The following GPRIN2 variants were observed in gnomAD, a reference collection of about 807,000 sequenced individuals.
GPRIN2 encodes G protein-regulated inducer of neurite outgrowth 2.
Under a neutral mutation model 0.3 loss-of-function variants are expected in GPRIN2, and 1 was observed. That is an observed-to-expected ratio of 3.90 (90% CI 1.39 to 18.51). The LOEUF is 18.51. GPRIN2 is among the 30% of genes most tolerant of loss of function. The pLI, the probability that GPRIN2 is intolerant of heterozygous loss-of-function variation, is 0.11. For missense variants in GPRIN2, 880 were observed against 604.2 expected, an observed-to-expected ratio of 1.46 and a Z score of -4.79; for synonymous variants, 361 against 258.6, an observed-to-expected ratio of 1.40 and a Z score of -3.80.
At chr10:46,551,269 C>T (rs952007388) in intron 2 of GPRIN2, 18 of 445,376 alleles carry the variant, frequency 4.0e-5, no homozygotes, top group Non-Finnish European at 8.9e-6. Context: ...CTCCTTGGTA[C>T]AGAGTGGGAG....
intron 2 of GPRIN2, among the ~76,000 whole-genome samples, chr10:46,551,123 G>C (rs1406126249): frequency 6.6e-6 from 1 of 152,306 alleles, no homozygotes; most frequent in Non-Finnish European, 1.5e-5. Flanking sequence ...AGCCCTAGGG[G>C]GTGGGGCTGT....
Position 46,549,918 on chromosome 10 carries a change from C to T in GPRIN2, c.819G>A (p.Gln273=). Residue 273 remains glutamine (Q), a synonymous_variant, in exon 3 of 3, where the codon CAG becomes CAA. Transcript: ENST00000374314. The part of the protein sequence containing the change: ...ASVSESGLQA[Q]HGVKIHCRLS... Reference sequence around the variant, plus strand: ...ACCTACAGTGGATCTTCACCCCATGCTGAGCCTGCAGCCCAGACTCGCTCA... The same window carrying T: ...ACCTACAGTGGATCTTCACCCCATGTTGAGCCTGCAGCCCAGACTCGCTCA... 3 of 1,614,272 alleles carry T rather than the reference C, an allele frequency of 1.9e-6. No homozygotes were observed. Among genetic ancestry groups the T allele is most frequent in the East Asian group, 2.2e-5 (1 of 44,894 alleles).
chr10:46,552,093 G>C (rs1053549384), intron 2 of GPRIN2, among the ~76,000 whole-genome samples: 17 of 152,406 alleles, frequency 1.1e-4, no homozygotes, highest in African/African-American at 3.8e-4. Flanking sequence ...CACCACCAAG[G>C]CAGGAGAGCT....
At position 46,544,412 on chromosome 10, in the gene GPRIN2, C is replaced by T. The variant is rs1235938465; in HGVS notation, c.*4948G>A. Among the ~76,000 whole-genome samples, 1 of 152,308 alleles carries T rather than the reference C, an allele frequency of 6.6e-6. No homozygotes were observed. The highest frequency in any genetic ancestry group is 2.4e-5 in the African/African-American group (1 of 41,484). Reference sequence around the variant, plus strand: ...TATCTCGGCTCACTGCAACCTCCACCTCCTGGGCTCAAGCCATCTTCCCAC... The same window carrying T: ...TATCTCGGCTCACTGCAACCTCCACTTCCTGGGCTCAAGCCATCTTCCCAC... On this transcript the variant is annotated 3_prime_UTR_variant, in exon 3 of 3. Transcript: ENST00000374314.
chr10:46,549,439 C>T lies in GPRIN2; in HGVS notation c.1298G>A (p.Arg433Gln), dbSNP rs1832718601. 7.3e-5 allele frequency: 116 copies of T among 1,599,186 alleles called. No individual in the cohort carries two copies. The highest frequency in any genetic ancestry group is 3.3e-4 in the Middle Eastern group (2 of 6,000). The change falls in exon 3 of 3, where the codon CGG becomes CAG. Residue 433 changes from arginine (R) to glutamine (Q), a missense_variant. Physicochemically the swap from Arg to Gln is conservative, Grantham distance 43. Transcript: ENST00000374314. ...CATGACAGCCCGCAGTGGCCCCCTC[C>T]GGCCCTCCACAGACAGGCTGTCCTC... is the stretch of plus-strand genomic sequence containing the variant. The part of the protein sequence containing the change: ...ASEDSLSVEG[R>Q]RGPLRAVMQS...
In GPRIN2 at chr10:46,549,435, C is replaced by T. The variant is rs1346641226; in HGVS notation, c.1302G>A (p.Arg434=). 6.3e-7 allele frequency: 1 copy of T among 1,596,606 alleles called. No individual in the cohort carries two copies. Among genetic ancestry groups the T allele is most frequent in the African/African-American group, 1.3e-5 (1 of 74,546 alleles). Residue 434 remains arginine, a synonymous_variant, in exon 3 of 3, where the codon AGG becomes AGA. Transcript: ENST00000374314. ...ACTGCATGACAGCCCGCAGTGGCCC[C>T]CTCCGGCCCTCCACAGACAGGCTGT... ...SEDSLSVEGR[R]GPLRAVMQSL...
At chr10:46,554,331 C>T (rs1261487109) in intron 2 of GPRIN2, among the ~76,000 whole-genome samples, 1 of 152,310 alleles carries the variant, frequency 6.6e-6, no homozygotes, top group African/African-American at 2.4e-5. Flanking sequence ...AGGTCACCAT[C>T]AGTGTCCCCA....
rs1842001894 is a variant in GPRIN2, at chr10:46,544,631, C to CAGTGTGG, written c.*4728_*4729insCCACACT. 6.6e-6 allele frequency among the ~76,000 whole-genome samples: 1 copy of CAGTGTGG among 152,312 alleles called. No homozygotes were observed. Among genetic ancestry groups the CAGTGTGG allele is most frequent in the Non-Finnish European group, 1.5e-5 (1 of 68,058 alleles). ...GAGCCACTGTACCAGGCTGAGTCCA[C>CAGTGTGG]ACTTCTAAGCTTGCTGTTGCTCTCA... On this transcript the variant is annotated 3_prime_UTR_variant, in exon 3 of 3. Coordinates refer to ENST00000374314, the MANE Select transcript of GPRIN2 (RefSeq NM_001385282.1).
In GPRIN2 at chr10:46,550,475, C is replaced by T. The variant is rs1394623841; in HGVS notation, c.262G>A (p.Gly88Ser). Residue 88 changes from glycine to serine, a missense_variant, in exon 3 of 3, where the codon GGC (glycine) becomes AGC (serine). Coordinates refer to ENST00000374314, the MANE Select transcript of GPRIN2 (RefSeq NM_001385282.1). The part of the protein sequence containing the change: ...SGPKARPSAG[G>S]HWWSSTVGNV... The stretch of plus-strand genomic sequence containing the variant: ...CCCACAGTGCTGCTCCACCAGTGGC[C>T]TCCAGCACTGGGTCGCGCCTTGGGG... 4 of 1,611,070 alleles carry T rather than the reference C, an allele frequency of 2.5e-6. No homozygotes were observed. The highest frequency in any genetic ancestry group is 1.1e-5 in the South Asian group (1 of 90,926).
At chr10:46,555,378 T>G in intron 1 of GPRIN2, 1 of 154,722 alleles carries the variant, frequency 6.5e-6, no homozygotes, top group East Asian at 1.9e-4. Context: ...ACCTTACCTC[T>G]CAAGGACCAG....
intron 2 of GPRIN2, 89 bp from the exon 3 acceptor site, chr10:46,550,831 C>G: frequency 7.3e-7 from 1 of 1,373,590 alleles, no homozygotes; most frequent in Non-Finnish European, 9.6e-7. Context: ...GTGCTAGGTT[C>G]ACCAGGGAGC....
chr10:46,543,923 T>C lies in GPRIN2; in HGVS notation c.*5437A>G, dbSNP rs1227260295. On this transcript the variant is annotated 3_prime_UTR_variant, in exon 3 of 3. Transcript: ENST00000374314. ...CAAGGCAGTCAGACCCCACCACCCA[T>C]CCCCAATCCTATGGGCCCACGTCAC... Among the ~76,000 whole-genome samples the C allele has an allele frequency of 6.6e-6, 1 of 151,244 alleles. No homozygotes were observed. The highest frequency in any genetic ancestry group is 2.4e-5 in the African/African-American group (1 of 41,174).
At position 46,548,801 on chromosome 10, in the gene GPRIN2, T is replaced by G. The variant is rs1241096598; in HGVS notation, c.*559A>C. ...TCCCACCTCTTCAAGCTGTCCAGCG[T>G]GGGGCACATCGGCTACAGCCTTGCC... On this transcript the variant is annotated 3_prime_UTR_variant, in exon 3 of 3. Coordinates refer to ENST00000374314, the MANE Select transcript of GPRIN2 (RefSeq NM_001385282.1). Among the ~76,000 whole-genome samples the G allele has an allele frequency of 6.6e-6, 1 of 152,308 alleles. No homozygotes were observed. The highest frequency in any genetic ancestry group is 6.5e-5 in the Admixed American group (1 of 15,294).
At chr10:46,551,584 G>A (rs1300185011) in intron 2 of GPRIN2, 4 of 835,800 alleles carry the variant, frequency 4.8e-6, no homozygotes, top group African/African-American at 1.8e-5. Flanking sequence ...CCCTGGGGAC[G>A]GTGCAGCAGT....
chr10:46,550,784 G>T, intron 2 of GPRIN2, 42 bp from the exon 3 acceptor site: 1 of 1,483,596 alleles, frequency 6.7e-7, no homozygotes, highest in South Asian at 1.5e-5. Flanking sequence ...TGAGTTGGGT[G>T]GCAGCACCTA....
At position 46,547,075 on chromosome 10, in the gene GPRIN2, G is replaced by T. The variant is rs1832867085; in HGVS notation, c.*2285C>A. Among the ~76,000 whole-genome samples, 127,881 of 152,120 alleles carry T rather than the reference G, an allele frequency of 0.84. 51,823 individuals carry two copies. The highest frequency in any genetic ancestry group is 0.95 in the East Asian group (4,933 of 5,192). On this transcript the variant is annotated 3_prime_UTR_variant, in exon 3 of 3. Coordinates refer to ENST00000374314, the MANE Select transcript of GPRIN2 (RefSeq NM_001385282.1). ...CTGGTCCCAGCCAAACCCTGTGGCA[G>T]GTGGCCCTTTCTGCACCTGCTGAAC...
rs924707757 is a variant in GPRIN2 at position 46,549,129 on chromosome 10, C to G, written c.*231G>C. ...AAAGCCCTGTCTCAAAGTTCAGAGC[C>G]CGGAAGGTGCAGAGATGTGGCCCTT... On this transcript the variant is annotated 3_prime_UTR_variant, in exon 3 of 3. Coordinates refer to ENST00000374314, the MANE Select transcript of GPRIN2 (RefSeq NM_001385282.1). 2 of 510,588 alleles carry G rather than the reference C, an allele frequency of 3.9e-6. No individual in the cohort carries two copies. The highest frequency in any genetic ancestry group is 6.8e-6 in the Non-Finnish European group (2 of 296,128). The allele number at this position is 510,588 out of a possible 1,614,324, so 31.6% of individuals were successfully genotyped here.
chr10:46,549,787 G>T lies in GPRIN2; in HGVS notation c.950C>A (p.Thr317Asn). ...TGCAGGGGCCAAGTCATTGGCTGAG[G>T]TCATGGTCCACACATCTTTGGTCCT... ...GSRTKDVWTMTSANDLAPAEA... is the reference protein window; with the variant it reads ...GSRTKDVWTMNSANDLAPAEA... Residue 317 changes from threonine (T) to asparagine (N), a missense_variant, in exon 3 of 3, where the codon ACC (threonine) becomes AAC (asparagine). Coordinates refer to ENST00000374314, the MANE Select transcript of GPRIN2 (RefSeq NM_001385282.1). The T allele has an allele frequency of 6.2e-7, 1 of 1,614,176 alleles. No homozygotes were observed. Among genetic ancestry groups the T allele is most frequent in the Non-Finnish European group, 8.5e-7 (1 of 1,180,048 alleles).
In GPRIN2 at chr10:46,549,949, GCCA is replaced by G. The variant is rs1588963538; in HGVS notation, c.785_787del (p.Val262del). 4.3e-6 allele frequency: 7 copies of G among 1,614,282 alleles called. No homozygotes were observed. The East Asian group carries it at 1.6e-4, about 36-fold the overall frequency. On this transcript the variant is annotated inframe_deletion, in exon 3 of 3. Coordinates refer to ENST00000374314, the MANE Select transcript of GPRIN2 (RefSeq NM_001385282.1). Reference sequence around the variant, plus strand: ...CTGCAGCCCAGACTCGCTCACTGACGCCACTAGTTTGGGAAAGGCCAGGATCCC... The same window carrying G: ...CTGCAGCCCAGACTCGCTCACTGACGCTAGTTTGGGAAAGGCCAGGATCCC...
Sources: allele counts gnomAD v4.1 joint callset (sites outside exome capture counted in the v4.1 genomes callset), GRCh38; gene constraint gnomAD v4.1.1; transcripts MANE v1.5; gene names NCBI Gene and HGNC (gene_info 2026-07-23, HGNC 2026-07-21).